RPL22: variants seen among roughly 807,000 people sequenced by gnomAD.
RPL22 encodes large ribosomal subunit protein eL22.
In RPL22, 4 loss-of-function variants were observed where a neutral mutation model predicts 16.2. The ratio of observed to expected loss-of-function variants is 0.25; its 90% CI spans 0.12 to 0.57. RPL22 has a LOEUF of 0.57. Among genes scored for constraint, RPL22 ranks in the 20% least tolerant of loss-of-function variants. The pLI is 0.92. For synonymous variants in RPL22, 43 were observed against 54.8 expected, an observed-to-expected ratio of 0.78 and a Z score of 0.95; for missense variants, 83 against 156.1, an observed-to-expected ratio of 0.53 and a Z score of 2.49.
chr1:6,190,256 GACTTC>G (rs1667632719), intron 3 of RPL22, among the ~76,000 whole-genome samples: 1 of 152,170 alleles, frequency 6.6e-6, no homozygotes, highest in South Asian at 2.1e-4. Flanking sequence ...AGACTGTGAG[GACTTC>G]ACTTAAGCTT....
chr1:6,185,760 A>G lies in RPL22; in HGVS notation c.*912T>C, dbSNP rs1032901915. 1 of 238,276 alleles carries G rather than the reference A, an allele frequency of 4.2e-6. No homozygotes were observed. The highest frequency in any genetic ancestry group is 8.2e-6 in the Non-Finnish European group (1 of 121,864). 14.8% of individuals were successfully genotyped at this position (238,276 alleles called of 1,614,324 possible). On this transcript the variant is annotated 3_prime_UTR_variant, in exon 4 of 4. Transcript: ENST00000234875. ...CCCCTTTCAGTTGTCTAGCCTCTGC[A>G]CTGTGGCACACCACTGACATTAAAT... is the stretch of plus-strand genomic sequence containing the variant.
Position 6,186,773 on chromosome 1 carries a change from G to C in RPL22, c.286C>G (p.Leu96Val), listed in dbSNP as rs1264491270. 4 of 1,612,324 alleles carry C rather than the reference G, an allele frequency of 2.5e-6. No individual in the cohort carries two copies. Among genetic ancestry groups the C allele is most frequent in the Admixed American group, 1.7e-5 (1 of 59,670 alleles). ...GCAACTACGCGCAACCAGTCACGTAGATTATTCTTCTTCAAATATTTTTTG... is the reference window on the plus strand; with the variant it reads ...GCAACTACGCGCAACCAGTCACGTACATTATTCTTCTTCAAATATTTTTTG... ...LTKKYLKKNN[L>V]RDWLRVVANS... The change falls in exon 4 of 4, where the codon CTA becomes GTA. Residue 96 changes from leucine to valine, a missense_variant. By Grantham distance (32) the Leu-to-Val change is conservative. Transcript: ENST00000234875.
In RPL22 at chr1:6,185,291, G is replaced by A. The variant is rs1166499966; in HGVS notation, c.*1381C>T. On this transcript the variant is annotated 3_prime_UTR_variant, in exon 4 of 4. Transcript: ENST00000234875. Reference sequence around the variant, plus strand: ...AGCCACAAACTTAGTTAATAATCATGGTTAAGGGACATTGCCAAAGAGCAA... The same window carrying A: ...AGCCACAAACTTAGTTAATAATCATAGTTAAGGGACATTGCCAAAGAGCAA... The A allele has an allele frequency of 7.5e-6, 3 of 398,894 alleles. No homozygotes were observed. The highest frequency in any genetic ancestry group is 4.1e-5 in the African/African-American group (2 of 48,622). The allele number at this position is 398,894 out of a possible 1,614,324, so 24.7% of individuals were successfully genotyped here.
chr1:6,190,379 T>C (rs1025583334), intron 3 of RPL22, among the ~76,000 whole-genome samples: 4 of 152,218 alleles, frequency 2.6e-5, no homozygotes, highest in African/African-American at 9.6e-5. Flanking sequence ...ATGTTGGTTT[T>C]CTTTTGTTTG....
At chr1:6,191,042 G>T (rs1281909313) in intron 3 of RPL22, among the ~76,000 whole-genome samples, 1 of 152,066 alleles carries the variant, frequency 6.6e-6, no homozygotes. Flanking sequence ...TGGCCAACAC[G>T]GCGAAACCCC....
chr1:6,189,686 G>A (rs1266200655), intron 3 of RPL22, among the ~76,000 whole-genome samples: 5 of 151,036 alleles, frequency 3.3e-5, no homozygotes, highest in African/African-American at 9.8e-5. Flanking sequence ...TTGGGAGGCC[G>A]AGGCGGGTGG....
chr1:6,195,203 T>C (rs969126851), intron 2 of RPL22, among the ~76,000 whole-genome samples: 2 of 151,474 alleles, frequency 1.3e-5, no homozygotes, highest in Non-Finnish European at 2.9e-5. Context: ...CCCAACACTT[T>C]GGGAGCCCGA....
intron 1 of RPL22, chr1:6,198,246 T>C (rs183169956): frequency 6.2e-6 from 1 of 162,258 alleles, no homozygotes; most frequent in Non-Finnish European, 1.4e-5. Context: ...TCTTAGCTCA[T>C]CTCCCTTAAT....
chr1:6,191,914 G>A lies in RPL22; in HGVS notation c.242+1016C>T, dbSNP rs527989905. 1.1e-4 allele frequency among the ~76,000 whole-genome samples: 17 copies of A among 150,904 alleles called. 1 individual carries two copies. The South Asian group carries it at 1.3e-3, about 11-fold the overall frequency. On this transcript the variant is annotated intron_variant, in intron 3 of 3. Transcript: ENST00000234875. ...CTCGGGAAGCTGAGGCAGGAGAATC[G>A]CTTGAACCTGGGAGGCAGAGGTTGC... is the stretch of plus-strand genomic sequence containing the variant.
chr1:6,195,240 T>C (rs1444875496), intron 2 of RPL22, among the ~76,000 whole-genome samples: 1 of 150,926 alleles, frequency 6.6e-6, no homozygotes, highest in Non-Finnish European at 1.5e-5. Flanking sequence ...AGGCAGGAGA[T>C]TGAGACCATC....
At chr1:6,197,032 T>G (rs115358198) in intron 2 of RPL22, among the ~76,000 whole-genome samples, 3,510 of 152,174 alleles carry the variant, frequency 0.023, 60 homozygotes, top group Non-Finnish European at 0.034. Flanking sequence ...TCAGTAACTT[T>G]TTTTGTTTTG....
chr1:6,193,885 G>A (rs368773525), intron 2 of RPL22, among the ~76,000 whole-genome samples: 6 of 152,268 alleles, frequency 3.9e-5, no homozygotes, highest in African/African-American at 1.4e-4. Flanking sequence ...GCCTCGCCAC[G>A]AAAGGCTTAG....
rs1168572935 is a variant in RPL22, at chr1:6,185,370, G to A, written c.*1302C>T. Reference sequence around the variant, plus strand: ...CTCTGCTTTCTGTGACGGCAGAGAAGAAATATGCAAGCAATTCTGCTTCAA... The same window carrying A: ...CTCTGCTTTCTGTGACGGCAGAGAAAAAATATGCAAGCAATTCTGCTTCAA... On this transcript the variant is annotated 3_prime_UTR_variant, in exon 4 of 4. Coordinates refer to ENST00000234875, the MANE Select transcript of RPL22 (RefSeq NM_000983.4). 1 of 398,952 alleles carries A rather than the reference G, an allele frequency of 2.5e-6. No homozygotes were observed. Among genetic ancestry groups the A allele is most frequent in the Non-Finnish European group, 4.4e-6 (1 of 226,074 alleles). 24.7% of individuals were successfully genotyped at this position (398,952 alleles called of 1,614,324 possible).
At chr1:6,186,857 G>A (rs1284582891) in intron 3 of RPL22, 41 bp from the exon 4 acceptor site, 1 of 1,604,110 alleles carries the variant, frequency 6.2e-7, no homozygotes, top group Non-Finnish European at 8.5e-7. Context: ...GACAGTTGGT[G>A]CTTGCATTCT....
intron 2 of RPL22, among the ~76,000 whole-genome samples, chr1:6,195,672 A>G (rs1236248236): frequency 6.6e-6 from 1 of 150,960 alleles, no homozygotes; most frequent in Non-Finnish European, 1.5e-5. Flanking sequence ...AATCACTTAA[A>G]CCTGGAAGGT....
In RPL22 at chr1:6,197,714, G is replaced by C. The variant is rs536167159; in HGVS notation, c.55C>G (p.Leu19Val). ...VKGGKKKKQV[L>V]KFTLDCTHPV... ...TGGGTGCAATCAAGAGTGAACTTCA[G>C]AACTTGCTTCTTTTTTTTGCCCCCC... Residue 19 changes from leucine (L) to valine (V), a missense_variant, in exon 2 of 4, where the codon CTG becomes GTG. Leu to Val is a conservative substitution (Grantham distance 32, BLOSUM62 1). Coordinates refer to ENST00000234875, the MANE Select transcript of RPL22 (RefSeq NM_000983.4). 1 of 1,613,992 alleles carries C rather than the reference G, an allele frequency of 6.2e-7. No homozygotes were observed. The highest frequency in any genetic ancestry group is 2.2e-5 in the East Asian group (1 of 44,896).
chr1:6,192,660 T>C (rs1290514689), intron 3 of RPL22, among the ~76,000 whole-genome samples: 1 of 152,134 alleles, frequency 6.6e-6, no homozygotes, highest in Non-Finnish European at 1.5e-5. Flanking sequence ...GATCGCGCCA[T>C]TGCACAACAG....
chr1:6,197,815 T>C (rs1667740188), intron 1 of RPL22, 59 bp from the exon 2 acceptor site: 1 of 1,217,096 alleles, frequency 8.2e-7, no homozygotes, highest in Non-Finnish European at 1.2e-6. Flanking sequence ...AAAAACAAGA[T>C]TAACAGAACC....
chr1:6,191,377 A>T (rs1384958562), intron 3 of RPL22, among the ~76,000 whole-genome samples: 1 of 127,922 alleles, frequency 7.8e-6, no homozygotes, highest in African/African-American at 2.8e-5. Flanking sequence ...AAAAAAAAAA[A>T]AAAAAAGAGG....
Sources: allele counts gnomAD v4.1 joint callset (sites outside exome capture counted in the v4.1 genomes callset), GRCh38; gene constraint gnomAD v4.1.1; transcripts MANE v1.5; gene names NCBI Gene and HGNC (gene_info 2026-07-23, HGNC 2026-07-21).